The following THSD7B variants were observed in gnomAD, a reference collection of about 807,000 sequenced individuals.
The protein encoded by THSD7B is thrombospondin type 1 domain containing 7B.
In THSD7B, 138 loss-of-function variants were observed where a neutral mutation model predicts 213.6. The observed-to-expected ratio is 0.65, with a 90% CI of 0.56 to 0.74. The LOEUF (loss-of-function observed/expected upper bound fraction) is 0.74. Ranked by LOEUF, THSD7B falls within the 30% of genes least tolerant of loss-of-function variation. The pLI, the probability that THSD7B is intolerant of heterozygous loss-of-function variation, is 0.00. For synonymous variants in THSD7B, 742 were observed against 687.0 expected (o/e 1.08, Z -1.25); for missense variants, 1,931 against 1,991.5 (o/e 0.97, Z 0.58).
Position 137,242,458 on chromosome 2 carries a change from T to C in THSD7B, c.2152T>C (p.Cys718Arg). The C allele has an allele frequency of 1.2e-6, 2 of 1,612,286 alleles. No homozygotes were observed. Among genetic ancestry groups the C allele is most frequent in the Non-Finnish European group, 8.5e-7 (1 of 1,178,376 alleles). Residue 718 changes from cysteine to arginine, a missense_variant and splice_region_variant, in exon 10 of 28, where the codon TGT becomes CGT. Transcript: ENST00000409968. Reference sequence around the variant, plus strand: ...GACATGGTCTTTTCACATTGACAGATGTCCAGATTCTACTCGACCTGAAAC... The same window carrying C: ...GACATGGTCTTTTCACATTGACAGACGTCCAGATTCTACTCGACCTGAAAC... ...SHVGQVMTKRCPDSTRPETVR... is the reference protein window; with the variant it reads ...SHVGQVMTKRRPDSTRPETVR...
At chr2:137,119,831 A>C (rs1162864390) in intron 5 of THSD7B, among the ~76,000 whole-genome samples, 1 of 152,206 alleles carries the variant, frequency 6.6e-6, no homozygotes, top group Non-Finnish European at 1.5e-5. Flanking sequence ...GTATCTGACT[A>C]TCCAGGAAGT....
intron 12 of THSD7B, among the ~76,000 whole-genome samples, chr2:137,277,115 G>A (rs1363669273): frequency 6.6e-6 from 1 of 151,962 alleles, no homozygotes; most frequent in Non-Finnish European, 1.5e-5. Context: ...CATGAATGGA[G>A]CCCTGTTAAA....
chr2:137,361,188 CA>C (rs202024129), intron 12 of THSD7B, among the ~76,000 whole-genome samples: 4,198 of 151,686 alleles, frequency 0.028, 202 homozygotes, highest in African/African-American at 0.096. Context: ...GCATCCACAT[CA>C]AAAAAAAGGA....
chr2:137,226,402 A>G (rs6727922), intron 7 of THSD7B, among the ~76,000 whole-genome samples: 65,449 of 150,690 alleles, frequency 0.43, 15,067 homozygotes, highest in African/African-American at 0.52. Flanking sequence ...TTCTCTCTTT[A>G]GACACCTGTA....
intron 15 of THSD7B, among the ~76,000 whole-genome samples, chr2:137,475,384 G>T (rs1005541793): frequency 6.6e-6 from 1 of 151,960 alleles, no homozygotes; most frequent in Admixed American, 6.6e-5. Context: ...ACAATATGTT[G>T]TTAACTATAG....
intron 14 of THSD7B, among the ~76,000 whole-genome samples, chr2:137,419,208 A>C (rs1686866321): frequency 6.6e-6 from 1 of 151,326 alleles, no homozygotes; most frequent in Non-Finnish European, 1.5e-5. Flanking sequence ...ATGCCCAGCT[A>C]TACCACATTT....
intron 12 of THSD7B, among the ~76,000 whole-genome samples, chr2:137,400,870 G>A (rs1283804730): frequency 6.6e-6 from 1 of 152,154 alleles, no homozygotes; most frequent in Non-Finnish European, 1.5e-5. Context: ...GAAGAAGGTA[G>A]GTGGAGCTAG....
At chr2:137,427,867 A>T (rs1271847636) in intron 14 of THSD7B, among the ~76,000 whole-genome samples, 2 of 152,162 alleles carry the variant, frequency 1.3e-5, no homozygotes. Context: ...GAACTATGTG[A>T]AGTGAAGTAT....
chr2:137,043,613 AG>A (rs973024422), intron 2 of THSD7B, among the ~76,000 whole-genome samples: 2 of 152,154 alleles, frequency 1.3e-5, no homozygotes, highest in African/African-American at 4.8e-5. Flanking sequence ...GTGTGGCAGA[AG>A]CAGAGACTCC....
intron 3 of THSD7B, among the ~76,000 whole-genome samples, chr2:137,071,931 T>C (rs1687496856): frequency 6.6e-6 from 1 of 152,202 alleles, no homozygotes; most frequent in Non-Finnish European, 1.5e-5. Flanking sequence ...TATGCGGCAT[T>C]ATTTCTGAGG....
chr2:136,933,458 A>C (rs1684668069), intron 2 of THSD7B, among the ~76,000 whole-genome samples: 1 of 152,104 alleles, frequency 6.6e-6, no homozygotes, highest in Non-Finnish European at 1.5e-5. Flanking sequence ...TGGCGCCTGT[A>C]GTCCCAGTTA....
At chr2:137,517,779 C>T (rs1401758607) in intron 15 of THSD7B, among the ~76,000 whole-genome samples, 1 of 152,086 alleles carries the variant, frequency 6.6e-6, no homozygotes, top group African/African-American at 2.4e-5. Context: ...CCTGGCAGGC[C>T]CCCATTGGTG....
intron 12 of THSD7B, among the ~76,000 whole-genome samples, chr2:137,379,216 A>G (rs1685723027): frequency 6.6e-6 from 1 of 152,226 alleles, no homozygotes; most frequent in African/African-American, 2.4e-5. Context: ...TTATTTAAAA[A>G]TTCACTTTTT....
At chr2:136,932,133 C>T (rs543665450) in intron 2 of THSD7B, among the ~76,000 whole-genome samples, 1 of 152,192 alleles carries the variant, frequency 6.6e-6, no homozygotes, top group African/African-American at 2.4e-5. Flanking sequence ...CTCAAAGTAA[C>T]ACACTAATTA....
intron 10 of THSD7B, among the ~76,000 whole-genome samples, chr2:137,251,676 G>A (rs552057980): frequency 6.6e-6 from 1 of 152,308 alleles, no homozygotes; most frequent in East Asian, 1.9e-4. Flanking sequence ...TAATTGAACA[G>A]GTTTCTGAAA....
chr2:137,390,281 T>C (rs1685990882), intron 12 of THSD7B, among the ~76,000 whole-genome samples: 1 of 152,118 alleles, frequency 6.6e-6, no homozygotes, highest in Non-Finnish European at 1.5e-5. Context: ...AAATTTATTT[T>C]TAGATTTTTT....
chr2:137,028,432 T>G (rs1397088613), intron 2 of THSD7B, among the ~76,000 whole-genome samples: 1 of 152,188 alleles, frequency 6.6e-6, no homozygotes, highest in African/African-American at 2.4e-5. Flanking sequence ...ATATGTCACT[T>G]AAAGGGAAAT....
In THSD7B at chr2:137,600,127, GGA is replaced by G. The variant is rs375852315; in HGVS notation, c.3424-16035_3424-16034del. On this transcript the variant is annotated intron_variant, in intron 17 of 27. Transcript: ENST00000409968. ...TGCATGCACACACGCACACAGAGAG[GGA>G]GAGAGAGAGAGATAAAAACATTTAT... Among the ~76,000 whole-genome samples, 391 of 151,828 alleles carry G rather than the reference GGA, an allele frequency of 2.6e-3. 2 individuals are homozygous for G. The highest frequency in any genetic ancestry group is 9.1e-3 in the African/African-American group (378 of 41,384).
chr2:136,918,755 C>G (rs1426863455), intron 2 of THSD7B, among the ~76,000 whole-genome samples: 1 of 152,164 alleles, frequency 6.6e-6, no homozygotes, highest in African/African-American at 2.4e-5. Flanking sequence ...TCAGTGTTTT[C>G]CAGAAGTACA....
Sources: allele counts gnomAD v4.1 joint callset (sites outside exome capture counted in the v4.1 genomes callset), GRCh38; gene constraint gnomAD v4.1.1; transcripts MANE v1.5; gene names NCBI Gene and HGNC (gene_info 2026-07-23, HGNC 2026-07-21).